PTGER2: variants seen among roughly 807,000 people sequenced by gnomAD.
PTGER2 encodes prostaglandin E2 receptor EP2 subtype.
PTGER2 carries 22 observed loss-of-function variants against 26.2 expected under a neutral mutation model. That is an observed-to-expected ratio of 0.84 (90% CI 0.60 to 1.20). The LOEUF is 1.20. Among genes scored for constraint, PTGER2 ranks in the 50% most tolerant of loss-of-function variants. The pLI is 0.00. For missense variants in PTGER2, 458 were observed against 475.2 expected, an observed-to-expected ratio of 0.96 and a Z score of 0.34; for synonymous variants, 219 against 208.9, an observed-to-expected ratio of 1.05 and a Z score of -0.42.
chr14:52,314,562 C>T lies in PTGER2; in HGVS notation c.14C>T (p.Ser5Phe), dbSNP rs1319268539. ...AGGCACCCCACCATGGGCAATGCCT[C>T]CAATGACTCCCAGTCTGAGGACTGC... is the stretch of plus-strand genomic sequence containing the variant. MGNA[S>F]NDSQSEDCET... is the part of the protein sequence containing the mutation. The change falls in exon 1 of 2, where the codon TCC becomes TTC. Residue 5 changes from serine to phenylalanine, a missense_variant. By Grantham distance (155) the Ser-to-Phe change is radical. Transcript: ENST00000245457. The surrounding 1 kb of genome is among the most constrained non-coding windows in gnomAD (Gnocchi z 5.7). The T allele has an allele frequency of 6.7e-7, 1 of 1,497,526 alleles. No individual in the cohort carries two copies. Among genetic ancestry groups the T allele is most frequent in the Admixed American group, 2.4e-5 (1 of 41,506 alleles). 92.8% of individuals were successfully genotyped at this position (1,497,526 alleles called of 1,614,324 possible). A position where few individuals can be genotyped will look rare whatever the true frequency, so the allele number is the denominator to read the frequency against.
At chr14:52,322,219 A>C (rs1451733228) in intron 1 of PTGER2, among the ~76,000 whole-genome samples, 1 of 152,210 alleles carries the variant, frequency 6.6e-6, no homozygotes, top group Non-Finnish European at 1.5e-5. Context: ...TGGGGGTGAC[A>C]TCACATATCT....
In PTGER2 at chr14:52,315,072, A is replaced by G; in HGVS notation, c.524A>G (p.Tyr175Cys). The G allele has an allele frequency of 1.9e-6, 3 of 1,611,698 alleles. No homozygotes were observed. The highest frequency in any genetic ancestry group is 2.5e-6 in the Non-Finnish European group (3 of 1,179,898). ...LLFCSLPLLD[Y>C]GQYVQYCPGT... is the part of the protein sequence containing the mutation. The stretch of plus-strand genomic sequence containing the variant: ...TTCTGCTCGCTGCCGCTGCTGGACT[A>G]TGGGCAGTACGTCCAGTACTGCCCC... Residue 175 changes from tyrosine to cysteine, a missense_variant, in exon 1 of 2, where the codon TAT becomes TGT. By Grantham distance (194) the Tyr-to-Cys change is radical (BLOSUM62 -2). Coordinates refer to ENST00000245457, the MANE Select transcript of PTGER2 (RefSeq NM_000956.4).
chr14:52,318,825 C>T (rs1334051267), intron 1 of PTGER2, among the ~76,000 whole-genome samples: 2 of 152,188 alleles, frequency 1.3e-5, no homozygotes, highest in Non-Finnish European at 2.9e-5. Flanking sequence ...TTTAAAGGCC[C>T]AGTCCCTTCA....
intron 1 of PTGER2, among the ~76,000 whole-genome samples, chr14:52,322,856 C>T (rs985891141): frequency 1.3e-5 from 2 of 152,216 alleles, no homozygotes; most frequent in African/African-American, 4.8e-5. Context: ...CCCGACCCCA[C>T]AGCCAGTCAG....
intron 1 of PTGER2, among the ~76,000 whole-genome samples, chr14:52,322,276 T>C (rs969013970): frequency 9.2e-5 from 14 of 152,238 alleles, no homozygotes; most frequent in Admixed American, 2.0e-4. Flanking sequence ...CACGTTTTTA[T>C]TAAGGATTTC....
intron 1 of PTGER2, among the ~76,000 whole-genome samples, chr14:52,325,236 G>C (rs1255457931): frequency 1.4e-5 from 2 of 145,622 alleles, no homozygotes; most frequent in Non-Finnish European, 3.0e-5. Context: ...ATAAAGGAAA[G>C]GAAACAGTAC....
chr14:52,325,895 C>T (rs2033945148), intron 1 of PTGER2, among the ~76,000 whole-genome samples: 1 of 152,198 alleles, frequency 6.6e-6, no homozygotes, highest in African/African-American at 2.4e-5. Flanking sequence ...TGCCAGATGC[C>T]TGCAGAGTAA....
chr14:52,314,445 T>G lies in PTGER2; in HGVS notation c.-104T>G. ...GAAGGGGGCTCTGGATTTCGGTCCC[T>G]CCCCTTTTTCCTCTGAGTCTCGGAA... On this transcript the variant is annotated 5_prime_UTR_variant, in exon 1 of 2. Transcript: ENST00000245457. This position sits in a 1 kb window ranked among gnomAD's most constrained non-coding sequence, Gnocchi z 5.7. The G allele has an allele frequency of 1.6e-6, 2 of 1,262,034 alleles. No individual in the cohort carries two copies. Among genetic ancestry groups the G allele is most frequent in the Non-Finnish European group, 2.0e-6 (2 of 979,718 alleles). 78.2% of individuals were successfully genotyped at this position (1,262,034 alleles called of 1,614,324 possible). A position where few individuals can be genotyped will look rare whatever the true frequency, so the allele number is the denominator to read the frequency against.
chr14:52,327,362 G>A lies in PTGER2; in HGVS notation c.985G>A (p.Val329Ile). The change falls in exon 2 of 2, where the codon GTC (valine) becomes ATC (isoleucine). Residue 329 changes from valine to isoleucine, a missense_variant. Transcript: ENST00000245457. Reference protein sequence around the residue: ...RPPVLRLMRSVLCCRISLRTQ... With the variant: ...RPPVLRLMRSILCCRISLRTQ... ...TCCTGTTCTGAGACTAATGCGTTCA[G>A]TCCTCTGTTGTCGGATTTCATTAAG... The A allele has an allele frequency of 2.5e-6, 4 of 1,613,594 alleles. No homozygotes were observed. Among genetic ancestry groups the A allele is most frequent in the Non-Finnish European group, 2.5e-6 (3 of 1,179,588 alleles).
chr14:52,322,000 C>G (rs969772171), intron 1 of PTGER2, among the ~76,000 whole-genome samples: 2 of 152,180 alleles, frequency 1.3e-5, no homozygotes, highest in Admixed American at 6.5e-5. Context: ...AAAGGGATGT[C>G]TCACACCCTG....
rs1365520833 is a variant in PTGER2 at position 52,327,479 on chromosome 14, T to TTA, written c.*30_*31dup. On this transcript the variant is annotated 3_prime_UTR_variant, in exon 2 of 2. Coordinates refer to ENST00000245457, the MANE Select transcript of PTGER2 (RefSeq NM_000956.4). ...AGGTCAGTAGTTTAAAAGTTCTTAG[T>TTA]TATATAGCATCTGGAAGATCATTTT... 2.0e-6 allele frequency: 3 copies of TTA among 1,496,904 alleles called. No individual in the cohort carries two copies. Among genetic ancestry groups the TTA allele is most frequent in the Non-Finnish European group, 2.8e-6 (3 of 1,084,836 alleles). The allele number at this position is 1,496,904 out of a possible 1,614,324, so 92.7% of individuals were successfully genotyped here.
Position 52,315,391 on chromosome 14 carries a change from GGTAA to G in PTGER2, c.843+3_843+6del. ...TCGCCGTCTGCTCCTTGCCTTTCAC[GGTAA>G]GTCACTCCCTACGTTTCCACAGCCC... On this transcript the variant is annotated splice_donor_variant and splice_donor_region_variant and intron_variant, in intron 1 of 1. Coordinates refer to ENST00000245457, the MANE Select transcript of PTGER2 (RefSeq NM_000956.4). LOFTEE classifies it high-confidence loss of function. The G allele has an allele frequency of 6.2e-7, 1 of 1,612,166 alleles. No homozygotes were observed. The highest frequency in any genetic ancestry group is 8.5e-7 in the Non-Finnish European group (1 of 1,179,918).
chr14:52,325,637 A>C (rs1172316233), intron 1 of PTGER2, among the ~76,000 whole-genome samples: 4 of 152,206 alleles, frequency 2.6e-5, no homozygotes, highest in African/African-American at 9.6e-5. Flanking sequence ...CATCCAAAAT[A>C]GTTTAACTGA....
rs764433747 is a variant in PTGER2 at position 52,314,723 on chromosome 14, G to C, written c.175G>C (p.Gly59Arg). ...RWRGDVGCSAGRRSSLSLFHV... is the reference protein window; with the variant it reads ...RWRGDVGCSARRRSSLSLFHV... Reference sequence around the variant, plus strand: ...GCGGGGGGACGTGGGGTGCAGCGCCGGCCGCAGGAGCTCCCTCTCCTTGTT... The same window carrying C: ...GCGGGGGGACGTGGGGTGCAGCGCCCGCCGCAGGAGCTCCCTCTCCTTGTT... Residue 59 changes from glycine (G) to arginine (R), a missense_variant, in exon 1 of 2, where the codon GGC (glycine) becomes CGC (arginine). Physicochemically the swap from Gly to Arg is moderately radical, Grantham distance 125 (BLOSUM62 -2). Coordinates refer to ENST00000245457, the MANE Select transcript of PTGER2 (RefSeq NM_000956.4). The surrounding 1 kb of genome is among the most constrained non-coding windows in gnomAD (Gnocchi z 5.7). The C allele has an allele frequency of 6.3e-7, 1 of 1,582,610 alleles. No homozygotes were observed. Among genetic ancestry groups the C allele is most frequent in the Admixed American group, 1.7e-5 (1 of 58,180 alleles).
intron 1 of PTGER2, among the ~76,000 whole-genome samples, chr14:52,322,173 A>G (rs1304445130): frequency 6.6e-6 from 1 of 152,162 alleles, no homozygotes; most frequent in Non-Finnish European, 1.5e-5. Context: ...GAGAAAGAGA[A>G]AGAGTACGAA....
At chr14:52,315,762 G>A (rs2033834936) in intron 1 of PTGER2, among the ~76,000 whole-genome samples, 1 of 152,204 alleles carries the variant, frequency 6.6e-6, no homozygotes, top group South Asian at 2.1e-4. Flanking sequence ...TAGGATGGCT[G>A]TCACTGTTCC....
At chr14:52,325,731 T>C (rs2033943323) in intron 1 of PTGER2, among the ~76,000 whole-genome samples, 1 of 152,240 alleles carries the variant, frequency 6.6e-6, no homozygotes, top group Admixed American at 6.5e-5. Context: ...TTCTTTTTCC[T>C]TACTCATCTG....
chr14:52,315,863 C>T (rs1292143044), intron 1 of PTGER2, among the ~76,000 whole-genome samples: 2 of 152,244 alleles, frequency 1.3e-5, no homozygotes, highest in Non-Finnish European at 2.9e-5. Flanking sequence ...CCTGCCAGGG[C>T]AAAATGTAGT....
At chr14:52,326,397 A>G (rs535550788) in intron 1 of PTGER2, among the ~76,000 whole-genome samples, 1 of 152,338 alleles carries the variant, frequency 6.6e-6, no homozygotes, top group South Asian at 2.1e-4. Flanking sequence ...CATTTGTAAA[A>G]TGGATATAAT....
Sources: gnomAD v4.1 joint callset for allele counts (sites outside exome capture counted in the v4.1 genomes callset) on GRCh38, gnomAD v4.1.1 for gene constraint, Gnocchi (gnomAD v3.1) non-coding constraint, MANE v1.5 for transcripts, NCBI Gene and HGNC (gene_info 2026-07-23, HGNC 2026-07-21) for gene names.